Variants in AP1S3 observed in about 807,000 individuals in gnomAD.
AP1S3 encodes the protein adaptor related protein complex 1 subunit sigma 3, also known as AP-1 complex subunit sigma-3.
AP1S3 carries 10 observed loss-of-function variants against 20.9 expected under a neutral mutation model. The ratio of observed to expected loss-of-function variants is 0.48; its 90% CI spans 0.29 to 0.81. The LOEUF (loss-of-function observed/expected upper bound fraction) is 0.81. Among genes scored for constraint, AP1S3 ranks in the 30% least tolerant of loss-of-function variants. AP1S3 has a pLI of 0.08. For synonymous variants in AP1S3, 41 were observed against 61.5 expected (o/e 0.67, Z 1.56); for missense variants, 154 against 183.8 (o/e 0.84, Z 0.94).
At chr2:223,787,757 C>A (rs1006612740) in intron 1 of AP1S3, among the ~76,000 whole-genome samples, 6 of 152,114 alleles carry the variant, frequency 3.9e-5, no homozygotes, top group Admixed American at 1.3e-4. Context: ...GCAACACACA[C>A]ACACACACAA....
intron 3 of AP1S3, among the ~76,000 whole-genome samples, chr2:223,770,746 T>TTTTG (rs57644752): frequency 2.7e-5 from 4 of 149,668 alleles, no homozygotes; most frequent in Non-Finnish European, 3.0e-5. Context: ...TTTTTTTTTT[T>TTTTG]GGAAACAGTC....
chr2:223,773,196 G>T (rs1690674923), intron 3 of AP1S3: 1 of 1,040,826 alleles, frequency 9.6e-7, no homozygotes, highest in South Asian at 1.5e-5. Context: ...GATAGATTGA[G>T]ATCAAAATTC....
At chr2:223,761,823 A>C (rs1385808366) in intron 4 of AP1S3, among the ~76,000 whole-genome samples, 1 of 152,206 alleles carries the variant, frequency 6.6e-6, no homozygotes, top group Non-Finnish European at 1.5e-5. Context: ...TGGGACTCCC[A>C]AAGTGCTGGG....
intron 1 of AP1S3, among the ~76,000 whole-genome samples, chr2:223,788,515 A>C (rs992105135): frequency 2.7e-5 from 4 of 150,246 alleles, no homozygotes; most frequent in Non-Finnish European, 4.4e-5. Flanking sequence ...GCACTTTGGG[A>C]GGCTGAGGTG....
At chr2:223,787,792 A>G (rs984251966) in intron 1 of AP1S3, among the ~76,000 whole-genome samples, 1 of 152,174 alleles carries the variant, frequency 6.6e-6, no homozygotes, top group East Asian at 1.9e-4. Flanking sequence ...TAAGTTTCCA[A>G]TTGCTTCATC....
chr2:223,777,133 C>T (rs990083342), intron 2 of AP1S3, among the ~76,000 whole-genome samples: 4 of 152,222 alleles, frequency 2.6e-5, no homozygotes, highest in Non-Finnish European at 4.4e-5. Context: ...TGATGGCTCA[C>T]GCCTGTAATC....
intron 3 of AP1S3, among the ~76,000 whole-genome samples, chr2:223,769,055 G>T (rs1421948877): frequency 6.6e-6 from 1 of 152,162 alleles, no homozygotes; most frequent in African/African-American, 2.4e-5. Context: ...TAAGTCAACA[G>T]ATCCAAATGA....
intron 1 of AP1S3, among the ~76,000 whole-genome samples, chr2:223,833,428 G>A (rs2106044682): frequency 6.6e-6 from 1 of 152,262 alleles, no homozygotes; most frequent in Non-Finnish European, 1.5e-5. Context: ...TTTCTAAAAG[G>A]TGAGATGGAG....
rs147522580 is a variant in AP1S3, at chr2:223,801,282, C to T, written c.4-23413G>A. Among the ~76,000 whole-genome samples, 1,183 of 152,242 alleles carry T rather than the reference C, an allele frequency of 7.8e-3. 13 individuals carry two copies. Among genetic ancestry groups the T allele is most frequent in the African/African-American group, 0.027 (1,140 of 41,538 alleles). ...AGTTAAGTACCTTGTTCCAGATCGA[C>T]GAGCTAGAAGGTTTCAGAGCTGGGC... On this transcript the variant is annotated intron_variant, in intron 1 of 4. Coordinates refer to ENST00000396654, the MANE Select transcript of AP1S3 (RefSeq NM_001039569.2).
At chr2:223,830,366 C>G (rs1337186386) in intron 1 of AP1S3, among the ~76,000 whole-genome samples, 2 of 151,202 alleles carry the variant, frequency 1.3e-5, no homozygotes, top group Non-Finnish European at 2.9e-5. Flanking sequence ...GTAGTCCCAG[C>G]TACTCAGGAG....
intron 1 of AP1S3, among the ~76,000 whole-genome samples, chr2:223,799,672 G>A (rs1308614899): frequency 6.6e-6 from 1 of 152,046 alleles, no homozygotes; most frequent in African/African-American, 2.4e-5. Context: ...CCACAGTGAG[G>A]TATTTAAAAT....
chr2:223,780,650 C>T (rs372677770), intron 1 of AP1S3, among the ~76,000 whole-genome samples: 2 of 151,716 alleles, frequency 1.3e-5, no homozygotes, highest in East Asian at 1.9e-4. Context: ...AGACTGGTCT[C>T]GAACTCCTAG....
chr2:223,821,021 C>A (rs1691975184), intron 1 of AP1S3, among the ~76,000 whole-genome samples: 2 of 152,204 alleles, frequency 1.3e-5, no homozygotes, highest in South Asian at 4.1e-4. Context: ...GCCTCCCAAC[C>A]ATACATTCAT....
Position 223,757,156 on chromosome 2 carries a change from AT to A in AP1S3, c.*1558del, listed in dbSNP as rs1394638648. 8 of 287,108 alleles carry A rather than the reference AT, an allele frequency of 2.8e-5. No individual in the cohort carries two copies. The highest frequency in any genetic ancestry group is 1.4e-4 in the South Asian group (1 of 7,388). The allele number at this position is 287,108 out of a possible 1,614,324, so 17.8% of individuals were successfully genotyped here. A position where few individuals can be genotyped will look rare whatever the true frequency, so the allele number is the denominator to read the frequency against. The stretch of plus-strand genomic sequence containing the variant: ...AGGCACCTGCCACCATGCCCGGCTA[AT>A]TTTTTTGTTTGTTTGAGACGAAGTC... On this transcript the variant is annotated 3_prime_UTR_variant, in exon 5 of 5. Coordinates refer to ENST00000396654, the MANE Select transcript of AP1S3 (RefSeq NM_001039569.2).
chr2:223,806,532 C>T (rs1042569263), intron 1 of AP1S3, among the ~76,000 whole-genome samples: 1 of 152,114 alleles, frequency 6.6e-6, no homozygotes, highest in Non-Finnish European at 1.5e-5. Flanking sequence ...GATCTGCCCA[C>T]CTCAGCCTCC....
chr2:223,790,210 A>C (rs1338887786), intron 1 of AP1S3, among the ~76,000 whole-genome samples: 1 of 151,826 alleles, frequency 6.6e-6, no homozygotes, highest in Non-Finnish European at 1.5e-5. Flanking sequence ...CTAAAAATAC[A>C]AAGAAAAGAA....
intron 1 of AP1S3, among the ~76,000 whole-genome samples, chr2:223,807,965 C>G (rs999317778): frequency 7.1e-6 from 1 of 140,784 alleles, no homozygotes; most frequent in African/African-American, 2.7e-5. Flanking sequence ...TCTTGGCTCA[C>G]TGCAACCTCC....
intron 1 of AP1S3, among the ~76,000 whole-genome samples, chr2:223,831,536 G>A (rs995671841): frequency 6.6e-6 from 1 of 152,176 alleles, no homozygotes; most frequent in African/African-American, 2.4e-5. Flanking sequence ...ATTCTTTCAT[G>A]TCATAGATTA....
At chr2:223,761,325 T>A (rs567845154) in intron 4 of AP1S3, among the ~76,000 whole-genome samples, 10 of 152,330 alleles carry the variant, frequency 6.6e-5, no homozygotes, top group African/African-American at 2.2e-4. Flanking sequence ...TAACATGGTT[T>A]ACGCTTTTAA....
Sources: gnomAD v4.1 joint callset for allele counts (sites outside exome capture counted in the v4.1 genomes callset) on GRCh38, gnomAD v4.1.1 for gene constraint, MANE v1.5 for transcripts, NCBI Gene and HGNC (gene_info 2026-07-23, HGNC 2026-07-21) for gene names.